The following RHOXF1 variants were observed in gnomAD, a reference collection of about 807,000 sequenced individuals.
RHOXF1 encodes Rhox homeobox family member 1.
RHOXF1 carries 1 observed loss-of-function variant against 9.7 expected under a neutral mutation model. The observed-to-expected ratio is 0.10, with a 90% CI of 0.04 to 0.49. The LOEUF (loss-of-function observed/expected upper bound fraction) is 0.49. Among genes scored for constraint, RHOXF1 ranks in the 20% least tolerant of loss-of-function variants. RHOXF1 has a pLI of 0.95. For synonymous variants in RHOXF1, 72 were observed against 70.2 expected (o/e 1.03, Z -0.13); for missense variants, 179 against 168.0 (o/e 1.07, Z -0.36).
intron 2 of RHOXF1, among the ~76,000 whole-genome samples, chrX:120,112,474 CAT>C (rs1256142828): frequency 0.017 from 717 of 42,149 alleles, 30 homozygotes; most frequent in African/African-American, 0.039. Flanking sequence ...ATATAATACA[CAT>C]ATATGTGTTA....
At chrX:120,116,681 A>T (rs182825791), upstream of RHOXF1, among the ~76,000 whole-genome samples, 65 of 111,209 alleles carry the variant, frequency 5.8e-4, 1 homozygote, top group African/African-American at 1.8e-3. Flanking sequence ...CAGAGCTGCC[A>T]TGCTCTCTTC....
upstream of RHOXF1, among the ~76,000 whole-genome samples, chrX:120,119,998 T>C (rs2147141829): frequency 9.0e-6 from 1 of 110,766 alleles, no homozygotes; most frequent in African/African-American, 3.3e-5. Context: ...AAGATAATGA[T>C]AGTTGCAAAG....
upstream of RHOXF1, chrX:120,116,324 G>C (rs1301896481): frequency 1.0e-5 from 1 of 98,222 alleles, no homozygotes; most frequent in East Asian, 3.3e-4. Context: ...GTCGTGGGTG[G>C]GGGTGGCAGT....
At position 120,115,880 on chromosome X, in the gene RHOXF1, C is replaced by G; in HGVS notation, c.-18G>C. The G allele has an allele frequency of 1.7e-6, 2 of 1,149,696 alleles. No individual in the cohort carries two copies. The highest frequency in any genetic ancestry group is 1.1e-6 in the Non-Finnish European group (1 of 870,670). 94.7% of individuals were successfully genotyped at this position (1,149,696 alleles called of 1,213,427 possible). A position where few individuals can be genotyped will look rare whatever the true frequency, so the allele number is the denominator to read the frequency against. On this transcript the variant is annotated 5_prime_UTR_variant, in exon 1 of 3. Transcript: ENST00000217999. Reference sequence around the variant, plus strand: ...CGCGCCATGGCTGGAGCGCTGCGCCCCTGCACAAACTCCGTGGCGTCTGCA... The same window carrying G: ...CGCGCCATGGCTGGAGCGCTGCGCCGCTGCACAAACTCCGTGGCGTCTGCA...
intron 2 of RHOXF1, among the ~76,000 whole-genome samples, chrX:120,112,485 TA>T (rs1569312042): frequency 4.0e-5 from 1 of 24,897 alleles, no homozygotes; most frequent in African/African-American, 1.1e-4. Context: ...ATATATGTGT[TA>T]TATATAATAC....
chrX:120,116,719 G>A (rs2057298492), upstream of RHOXF1, among the ~76,000 whole-genome samples: 1 of 110,640 alleles, frequency 9.0e-6, no homozygotes, highest in Non-Finnish European at 1.9e-5. Flanking sequence ...CTTGGAGATG[G>A]GCATGCAGAG....
At position 120,110,512 on chromosome X, in the gene RHOXF1, G is replaced by A. The variant is rs538357635; in HGVS notation, c.445-1210C>T. 8.1e-5 allele frequency among the ~76,000 whole-genome samples: 9 copies of A among 111,349 alleles called. No individual in the cohort carries two copies. The South Asian group carries it at 3.4e-3, about 42-fold the overall frequency. ...ACTGGAGGTGCTGTAGCCCAGTAAG[G>A]CAGGGCCCCCTAGGCCCTGCTACTC... is the stretch of plus-strand genomic sequence containing the variant. On this transcript the variant is annotated intron_variant, in intron 2 of 2. Transcript: ENST00000217999.
Position 120,115,823 on chromosome X carries a change from G to A in RHOXF1, c.40C>T (p.Leu14=), listed in dbSNP as rs201110942. The change falls in exon 1 of 3, where the codon CTG becomes TTG. Residue 14 remains leucine, a synonymous_variant. Transcript: ENST00000217999. Reference sequence around the variant, plus strand: ...CTTATTTTTACCTGGTATACACTCAGGCAGTAGAACACGGTGTCGTGGACG... The same window carrying A: ...CTTATTTTTACCTGGTATACACTCAAGCAGTAGAACACGGTGTCGTGGACG... The part of the protein sequence containing the change: ...SLVHDTVFYC[L]SVYQVKISPT... The A allele has an allele frequency of 6.7e-6, 8 of 1,192,827 alleles. No individual in the cohort carries two copies. The East Asian group carries it at 2.4e-4, about 36-fold the overall frequency.
At chrX:120,112,413 A>ATG (rs1379443991) in intron 2 of RHOXF1, among the ~76,000 whole-genome samples, 5 of 39,813 alleles carry the variant, frequency 1.3e-4, no homozygotes, top group African/African-American at 2.6e-4. Context: ...ATATACATAT[A>ATG]TGTATTATAT....
chrX:120,112,538 A>T (rs868970326), intron 2 of RHOXF1, among the ~76,000 whole-genome samples: 165 of 28,943 alleles, frequency 5.7e-3, no homozygotes, highest in African/African-American at 0.04. Flanking sequence ...TATTATATAT[A>T]ATACATATAT....
intron 1 of RHOXF1, among the ~76,000 whole-genome samples, chrX:120,114,235 C>T (rs782484089): frequency 1.8e-5 from 2 of 110,998 alleles, no homozygotes; most frequent in East Asian, 5.7e-4. Flanking sequence ...ATTCTCCTTA[C>T]CCCAATTTCA....
chrX:120,112,503 A>G (rs945841362), intron 2 of RHOXF1, among the ~76,000 whole-genome samples: 27 of 91,590 alleles, frequency 2.9e-4, no homozygotes, highest in African/African-American at 1.1e-3. Context: ...ATACACATAT[A>G]TGTATTATAT....
chrX:120,115,453 C>T lies in RHOXF1; in HGVS notation c.398+12G>A. 1 of 1,082,682 alleles carries T rather than the reference C, an allele frequency of 9.2e-7. No individual in the cohort carries two copies. Among genetic ancestry groups the T allele is most frequent in the Middle Eastern group, 2.6e-4 (1 of 3,845 alleles). 89.2% of individuals were successfully genotyped at this position (1,082,682 alleles called of 1,213,427 possible). A position where few individuals can be genotyped will look rare whatever the true frequency, so the allele number is the denominator to read the frequency against. On this transcript the variant is annotated intron_variant, in intron 1 of 2. Coordinates refer to ENST00000217999, the MANE Select transcript of RHOXF1 (RefSeq NM_139282.3). ...CTTGGAGATCTCGTGGCTCCTGGAG[C>T]AGGCCACTTACCTTGTGGGCACATC...
In RHOXF1 at chrX:120,115,325, A is replaced by C. The variant is rs782482715; in HGVS notation, c.398+140T>G. 3.7e-5 allele frequency: 15 copies of C among 409,466 alleles called. No homozygotes were observed. In the South Asian group the frequency reaches 4.6e-4, roughly 13 times the overall value. 33.7% of individuals were successfully genotyped at this position (409,466 alleles called of 1,213,427 possible). ...CATTTACCTTGATGCCCAGGAGGTA[A>C]ATATCCCCCTCCACACCAGCACAAA... On this transcript the variant is annotated intron_variant, in intron 1 of 2. Coordinates refer to ENST00000217999, the MANE Select transcript of RHOXF1 (RefSeq NM_139282.3).
intron 1 of RHOXF1, 146 bp downstream of exon 1, chrX:120,115,319 G>A: frequency 2.6e-6 from 1 of 380,462 alleles, no homozygotes; most frequent in Admixed American, 4.8e-5. Flanking sequence ...TGATGCCCAG[G>A]AGGTAAATAT....
At chrX:120,114,366 AAAC>A (rs782306440) in intron 1 of RHOXF1, among the ~76,000 whole-genome samples, 11 of 111,025 alleles carry the variant, frequency 9.9e-5, no homozygotes, top group African/African-American at 1.6e-4. Context: ...CACTCAACAA[AAAC>A]AACAACAACA....
At chrX:120,116,591 C>A (rs2057297969), upstream of RHOXF1, 1 of 110,701 alleles carries the variant, frequency 9.0e-6, no homozygotes, top group South Asian at 3.9e-4. Flanking sequence ...TGGCAGCATG[C>A]ACAGGGCGCG....
rs1031866022 is a variant in RHOXF1, at chrX:120,115,671, G to A, written c.192C>T (p.Gly64=). Reference sequence around the variant, plus strand: ...CACCGCCGCCCTCGGGGATCATGCCGCCATCGCGGTTCATGCCGTTCTCGT... The same window carrying A: ...CACCGCCGCCCTCGGGGATCATGCCACCATCGCGGTTCATGCCGTTCTCGT... ...VNHENGMNRD[G]GMIPEGGGGN... is the part of the protein sequence containing the mutation. The change falls in exon 1 of 3, where the codon GGC becomes GGT. Residue 64 remains glycine, a synonymous_variant. Transcript: ENST00000217999. 8 of 1,198,151 alleles carry A rather than the reference G, an allele frequency of 6.7e-6. No homozygotes were observed. The highest frequency in any genetic ancestry group is 4.5e-5 in the Admixed American group (2 of 44,811).
At chrX:120,111,354 C>T (rs782819978) in intron 2 of RHOXF1, among the ~76,000 whole-genome samples, 1 of 111,795 alleles carries the variant, frequency 8.9e-6, no homozygotes, top group African/African-American at 3.3e-5. Context: ...CTCAGTAACC[C>T]GCTTTGTTAG....
Sources: allele counts gnomAD v4.1 joint callset (sites outside exome capture counted in the v4.1 genomes callset), GRCh38; gene constraint gnomAD v4.1.1; transcripts MANE v1.5; gene names NCBI Gene and HGNC (gene_info 2026-07-23, HGNC 2026-07-21).